The following PLXNC1 variants were observed in gnomAD, a reference collection of about 807,000 sequenced individuals.
The protein encoded by PLXNC1 is plexin C1.
PLXNC1 carries 75 observed loss-of-function variants against 178.2 expected under a neutral mutation model. That is an observed-to-expected ratio of 0.42 (90% CI 0.35 to 0.51). The LOEUF (loss-of-function observed/expected upper bound fraction) is 0.51. Ranked by LOEUF, PLXNC1 falls within the 20% of genes least tolerant of loss-of-function variation. PLXNC1 has a pLI of 0.02. For synonymous variants in PLXNC1, 790 were observed against 779.9 expected, an observed-to-expected ratio of 1.01 and a Z score of -0.22; for missense variants, 1,503 against 1,984.4, an observed-to-expected ratio of 0.76 and a Z score of 4.61.
chr12:94,240,490 A>G lies in PLXNC1; in HGVS notation c.2126A>G (p.Gln709Arg). 1.9e-6 allele frequency: 3 copies of G among 1,612,432 alleles called. No homozygotes were observed. The South Asian group carries it at 3.3e-5, about 18-fold the overall frequency. Residue 709 changes from glutamine to arginine, a missense_variant, in exon 11 of 31, where the codon CAG becomes CGG. Physicochemically the swap from Gln to Arg is conservative, Grantham distance 43. This residue lies in a region of PLXNC1 where 615 missense variants were observed against 698.6 expected (regional missense o/e 0.88). Transcript: ENST00000258526. ...CTTTTTCTACTCTTTTCTAGGATAC[A>G]GGTTAGCCATGTGCTAAATGACACC... ...GTSTCDKDVI[Q>R]VSHVLNDTHM...
Position 94,305,367 on chromosome 12 carries a change from T to C in PLXNC1, c.*82T>C, listed in dbSNP as rs1292395131. 7 of 776,598 alleles carry C rather than the reference T, an allele frequency of 9.0e-6. No individual in the cohort carries two copies. Among genetic ancestry groups the C allele is most frequent in the Non-Finnish European group, 4.3e-6 (2 of 461,090 alleles). The allele number at this position is 776,598 out of a possible 1,614,324, so 48.1% of individuals were successfully genotyped here. A position where few individuals can be genotyped will look rare whatever the true frequency, so the allele number is the denominator to read the frequency against. ...TGGCTGCTTGAGCTACTCTGTGTCG[T>C]TAATTTGTTGTTTGCACATAGGTTC... On this transcript the variant is annotated 3_prime_UTR_variant, in exon 31 of 31. Transcript: ENST00000258526.
rs1962138678 is a variant in PLXNC1, at chr12:94,177,474, T to C, written c.1204-3972T>C. Among the ~76,000 whole-genome samples, 5 of 145,706 alleles carry C rather than the reference T, an allele frequency of 3.4e-5. No individual in the cohort carries two copies. In the South Asian group the frequency reaches 1.1e-3, roughly 31 times the overall value. ...AATCCTGGGCCACAGAACTTTTTGATAACTTGTAAAAAAAGAAAGAAAGAA... is the reference window on the plus strand; with the variant it reads ...AATCCTGGGCCACAGAACTTTTTGACAACTTGTAAAAAAAGAAAGAAAGAA... On this transcript the variant is annotated intron_variant, in intron 2 of 30. Transcript: ENST00000258526.
intron 12 of PLXNC1, among the ~76,000 whole-genome samples, chr12:94,247,003 C>A (rs1013243122): frequency 6.6e-6 from 1 of 152,124 alleles, no homozygotes; most frequent in Non-Finnish European, 1.5e-5. Flanking sequence ...CACCAGCCTC[C>A]TCTGCCTGTC....
rs146033602 is a variant in PLXNC1 at position 94,227,490 on chromosome 12, A to G, written c.1980+255A>G. ...TGCTCTGGTCGAAATAAAATTGTAAAGGTGACTTTGCGGCTCACTGGTGAA... is the reference window on the plus strand; with the variant it reads ...TGCTCTGGTCGAAATAAAATTGTAAGGGTGACTTTGCGGCTCACTGGTGAA... On this transcript the variant is annotated intron_variant, in intron 9 of 30. Coordinates refer to ENST00000258526, the MANE Select transcript of PLXNC1 (RefSeq NM_005761.3). 29 of 327,880 alleles carry G rather than the reference A, an allele frequency of 8.8e-5. No homozygotes were observed. The East Asian group carries it at 1.7e-3, about 19-fold the overall frequency. The allele number at this position is 327,880 out of a possible 1,614,324, so 20.3% of individuals were successfully genotyped here.
At position 94,214,441 on chromosome 12, in the gene PLXNC1, T is replaced by C. The variant is rs1001808286; in HGVS notation, c.1554+4737T>C. Among the ~76,000 whole-genome samples, 52 of 152,280 alleles carry C rather than the reference T, an allele frequency of 3.4e-4. 1 individual carries two copies. The highest frequency in any genetic ancestry group is 1.2e-3 in the African/African-American group (50 of 41,558). Reference sequence around the variant, plus strand: ...AAACAAGGAATTCCACCATCGCTAATACTGTTGACATTATTTGTAAAGCCC... The same window carrying C: ...AAACAAGGAATTCCACCATCGCTAACACTGTTGACATTATTTGTAAAGCCC... On this transcript the variant is annotated intron_variant, in intron 5 of 30. Transcript: ENST00000258526.
At chr12:94,274,912 C>T (rs781228245) in intron 21 of PLXNC1, among the ~76,000 whole-genome samples, 28 of 152,210 alleles carry the variant, frequency 1.8e-4, no homozygotes, top group Non-Finnish European at 3.8e-4. Flanking sequence ...AATACACACA[C>T]GTCATTTAAA....
chr12:94,149,217 C>G lies in PLXNC1; in HGVS notation c.246C>G (p.Asp82Glu), dbSNP rs764766713. ...ACAGCCTCTCGCGCCTGTACCGGGA[C>G]CAAGCGGGCAACTGCACAGAGCCGG... ...LEHSLSRLYR[D>E]QAGNCTEPVS... Residue 82 changes from aspartate (D) to glutamate (E), a missense_variant, in exon 1 of 31, where the codon GAC (aspartate) becomes GAG (glutamate). By Grantham distance (45) the Asp-to-Glu change is conservative (BLOSUM62 2). This residue lies in a region of PLXNC1 where 176 missense variants were observed against 180.7 expected (regional missense o/e 0.97). Transcript: ENST00000258526. 2.5e-6 allele frequency: 4 copies of G among 1,585,018 alleles called. No individual in the cohort carries two copies. In the East Asian group the frequency reaches 9.6e-5, roughly 38 times the overall value.
At chr12:94,154,671 G>A (rs1227484157) in intron 1 of PLXNC1, among the ~76,000 whole-genome samples, 1 of 152,212 alleles carries the variant, frequency 6.6e-6, no homozygotes, top group East Asian at 1.9e-4. Flanking sequence ...GCTATGCTAA[G>A]ACCAGCTTTT....
chr12:94,265,660 C>T (rs1965193948), intron 21 of PLXNC1, among the ~76,000 whole-genome samples: 1 of 152,190 alleles, frequency 6.6e-6, no homozygotes, highest in African/African-American at 2.4e-5. Flanking sequence ...AATTCCACCA[C>T]GTTCCCCATG....
intron 21 of PLXNC1, among the ~76,000 whole-genome samples, chr12:94,275,504 G>A (rs970317281): frequency 6.6e-6 from 1 of 152,214 alleles, no homozygotes; most frequent in Non-Finnish European, 1.5e-5. Context: ...CCCAGCCTGG[G>A]GGTGGAGGTG....
At chr12:94,277,456 A>T (rs547499639) in intron 21 of PLXNC1, among the ~76,000 whole-genome samples, 11 of 152,288 alleles carry the variant, frequency 7.2e-5, no homozygotes, top group African/African-American at 2.2e-4. Context: ...GTGGTCCATA[A>T]GTCACGGGCT....
chr12:94,271,867 G>T (rs1238130323), intron 21 of PLXNC1, among the ~76,000 whole-genome samples: 1 of 152,190 alleles, frequency 6.6e-6, no homozygotes, highest in Non-Finnish European at 1.5e-5. Flanking sequence ...GGATGTGGGG[G>T]AGTTGATTAG....
chr12:94,278,105 TC>T (rs1280852174), intron 21 of PLXNC1: 2 of 453,812 alleles, frequency 4.4e-6, no homozygotes, highest in Admixed American at 4.7e-5. Flanking sequence ...TTCTGTCTTC[TC>T]CCTTCCTTCT....
At chr12:94,159,440 C>T (rs559203595) in intron 1 of PLXNC1, among the ~76,000 whole-genome samples, 1 of 152,142 alleles carries the variant, frequency 6.6e-6, no homozygotes, top group Admixed American at 6.5e-5. Context: ...ATAAGAAAGG[C>T]CGGTTGCAGG....
rs1968896643 is a variant in PLXNC1, at chr12:94,305,347, G to A, written c.*62G>A. On this transcript the variant is annotated 3_prime_UTR_variant, in exon 31 of 31. Coordinates refer to ENST00000258526, the MANE Select transcript of PLXNC1 (RefSeq NM_005761.3). ...CAGACGACTTGGGAGCAAAATGGCTGCTTGAGCTACTCTGTGTCGTTAATT... is the reference window on the plus strand; with the variant it reads ...CAGACGACTTGGGAGCAAAATGGCTACTTGAGCTACTCTGTGTCGTTAATT... The A allele has an allele frequency of 2.2e-6, 2 of 916,048 alleles. No homozygotes were observed. Among genetic ancestry groups the A allele is most frequent in the South Asian group, 1.4e-5 (1 of 69,612 alleles). The allele number at this position is 916,048 out of a possible 1,614,324, so 56.7% of individuals were successfully genotyped here.
At chr12:94,279,840 T>A (rs1966303475) in intron 22 of PLXNC1, 191 bp downstream of exon 22, 3 of 701,408 alleles carry the variant, frequency 4.3e-6, no homozygotes, top group South Asian at 3.0e-5. Context: ...TCCTGATTCT[T>A]CGAAGGAAGC....
intron 1 of PLXNC1, among the ~76,000 whole-genome samples, chr12:94,164,889 G>A (rs1424785848): frequency 2.0e-5 from 3 of 152,260 alleles, no homozygotes; most frequent in East Asian, 1.9e-4. Context: ...GCTTAGACAC[G>A]GCAGGAAGGA....
intron 4 of PLXNC1, among the ~76,000 whole-genome samples, chr12:94,187,952 G>C (rs761282309): frequency 6.6e-6 from 1 of 152,030 alleles, no homozygotes; most frequent in Non-Finnish European, 1.5e-5. Context: ...GTGTTTAGGG[G>C]TTGGGGAGAA....
In PLXNC1 at chr12:94,294,549, TATA is replaced by T; in HGVS notation, c.3934+13_3934+15del. 8.5e-7 allele frequency: 1 copy of T among 1,170,142 alleles called. No homozygotes were observed. Among genetic ancestry groups the T allele is most frequent in the South Asian group, 1.3e-5 (1 of 79,074 alleles). The allele number at this position is 1,170,142 out of a possible 1,614,324, so 72.5% of individuals were successfully genotyped here. On this transcript the variant is annotated intron_variant, in intron 24 of 30. Coordinates refer to ENST00000258526, the MANE Select transcript of PLXNC1 (RefSeq NM_005761.3). ...AGCAAATTTTACTTCAGGTAACCAA[TATA>T]ATATTGTTAACCTTTTGTTCTCACC...
Sources: allele counts gnomAD v4.1 joint callset (sites outside exome capture counted in the v4.1 genomes callset), GRCh38; gene constraint gnomAD v4.1.1; regional missense constraint gnomAD v4.1.1; transcripts MANE v1.5; gene names NCBI Gene and HGNC (gene_info 2026-07-23, HGNC 2026-07-21).